The following RAPGEF5 variants were observed in gnomAD, a reference collection of about 807,000 sequenced individuals.
The protein encoded by RAPGEF5 is Rap guanine nucleotide exchange factor 5.
RAPGEF5 carries 65 observed loss-of-function variants against 125.2 expected under a neutral mutation model. The observed-to-expected ratio is 0.52, with a 90% CI of 0.43 to 0.64. The LOEUF is 0.64. Ranked by LOEUF, RAPGEF5 falls within the 30% of genes least tolerant of loss-of-function variation. RAPGEF5 has a pLI of 0.00. For missense variants in RAPGEF5, 958 were observed against 1,048.1 expected (o/e 0.91, Z 1.19); for synonymous variants, 391 against 385.9 (o/e 1.01, Z -0.16).
At chr7:22,346,255 G>A (rs1784222776) in intron 1 of RAPGEF5, among the ~76,000 whole-genome samples, 1 of 152,120 alleles carries the variant, frequency 6.6e-6, no homozygotes, top group African/African-American at 2.4e-5. Flanking sequence ...AGGTCATGCA[G>A]CCCTTAAGTG....
At chr7:22,206,649 C>G (rs1785403669) in intron 9 of RAPGEF5, among the ~76,000 whole-genome samples, 1 of 145,634 alleles carries the variant, frequency 6.9e-6, no homozygotes, top group South Asian at 2.2e-4. Flanking sequence ...TTTTCCATCA[C>G]ACTCCAGCCT....
intron 9 of RAPGEF5, among the ~76,000 whole-genome samples, chr7:22,199,245 C>T (rs1042543584): frequency 1.3e-5 from 2 of 152,088 alleles, no homozygotes; most frequent in African/African-American, 4.8e-5. Context: ...TCAGGCAGCA[C>T]TCAAGACCCA....
rs368817152 is a variant in RAPGEF5 at position 22,289,051 on chromosome 7, T to C, written c.747+2124A>G. On this transcript the variant is annotated intron_variant, in intron 6 of 25. Coordinates refer to ENST00000665637, the MANE Select transcript of RAPGEF5 (RefSeq NM_012294.5). ...AGAATACACATCCTCCTAATTATCA[T>C]CTCCAAATCCTGACTGTTTTCAATG... Among the ~76,000 whole-genome samples, 29 of 152,332 alleles carry C rather than the reference T, an allele frequency of 1.9e-4. No individual in the cohort carries two copies. In the East Asian group the frequency reaches 3.7e-3, roughly 19 times the overall value.
At chr7:22,301,417 C>A (rs1783197790) in intron 5 of RAPGEF5, among the ~76,000 whole-genome samples, 1 of 151,984 alleles carries the variant, frequency 6.6e-6, no homozygotes, top group South Asian at 2.1e-4. Context: ...AGATCGAGAC[C>A]ATCCTGGCTA....
intron 1 of RAPGEF5, among the ~76,000 whole-genome samples, chr7:22,323,419 C>G (rs1487168363): frequency 6.6e-6 from 1 of 152,132 alleles, no homozygotes; most frequent in East Asian, 1.9e-4. Context: ...ACAACAGAAA[C>G]AAACCCCAAA....
intron 2 of RAPGEF5, among the ~76,000 whole-genome samples, chr7:22,317,152 G>A (rs934955436): frequency 1.3e-5 from 2 of 152,026 alleles, no homozygotes; most frequent in Non-Finnish European, 2.9e-5. Context: ...TCCTGATGGT[G>A]GGGATACAGC....
chr7:22,122,204 A>C lies in RAPGEF5; in HGVS notation c.*202T>G, dbSNP rs1174654621. The C allele has an allele frequency of 1.9e-6, 1 of 524,858 alleles. No homozygotes were observed. Among genetic ancestry groups the C allele is most frequent in the Non-Finnish European group, 3.4e-6 (1 of 291,384 alleles). 32.5% of individuals were successfully genotyped at this position (524,858 alleles called of 1,614,324 possible). A position where few individuals can be genotyped will look rare whatever the true frequency, so the allele number is the denominator to read the frequency against. ...ACTCTCCTTCTGCCTTCTTGTCCCG[A>C]GAGTAGCATGGAGAAACCTCTCCCC... On this transcript the variant is annotated 3_prime_UTR_variant, in exon 26 of 26. Transcript: ENST00000665637.
chr7:22,288,818 A>C (rs1782862640), intron 6 of RAPGEF5, among the ~76,000 whole-genome samples: 1 of 152,208 alleles, frequency 6.6e-6, no homozygotes. Context: ...AAACCACCAT[A>C]AACTAGGTTT....
intron 1 of RAPGEF5, among the ~76,000 whole-genome samples, chr7:22,346,675 A>G (rs1385633828): frequency 1.3e-5 from 2 of 152,188 alleles, no homozygotes; most frequent in Admixed American, 6.5e-5. Context: ...AAAACCACCA[A>G]TGGACTGAGT....
At chr7:22,349,938 G>T (rs967632015) in intron 1 of RAPGEF5, among the ~76,000 whole-genome samples, 1 of 152,150 alleles carries the variant, frequency 6.6e-6, no homozygotes, top group Non-Finnish European at 1.5e-5. Flanking sequence ...TCAATCTGAA[G>T]AAGACCTACC....
At chr7:22,327,729 A>G (rs1477744729) in intron 1 of RAPGEF5, among the ~76,000 whole-genome samples, 2 of 152,238 alleles carry the variant, frequency 1.3e-5, no homozygotes, top group African/African-American at 4.8e-5. Flanking sequence ...TCTACTTTTA[A>G]GGTTGTTGTA....
At position 22,169,189 on chromosome 7, in the gene RAPGEF5, T is replaced by C. The variant is rs941457607; in HGVS notation, c.1205-2041A>G. 6.6e-5 allele frequency among the ~76,000 whole-genome samples: 10 copies of C among 152,140 alleles called. 1 individual carries two copies. The highest frequency in any genetic ancestry group is 2.4e-4 in the African/African-American group (10 of 41,438). ...GTCACATGAATGGACATGCACAGCC[T>C]GTGTACGCAGAAGAGCCAGGGGCCC... On this transcript the variant is annotated intron_variant, in intron 11 of 25. Transcript: ENST00000665637.
intron 22 of RAPGEF5, 80 bp from the exon 23 acceptor site, chr7:22,136,205 A>G (rs1783075733): frequency 9.4e-7 from 1 of 1,058,422 alleles, no homozygotes; most frequent in Admixed American, 2.6e-5. Context: ...TTTGCTACAC[A>G]ATTTGAACAT....
At chr7:22,304,593 G>T (rs528975060) in intron 5 of RAPGEF5, among the ~76,000 whole-genome samples, 8 of 152,166 alleles carry the variant, frequency 5.3e-5, no homozygotes, top group Non-Finnish European at 1.0e-4. Flanking sequence ...GTTAAATCAC[G>T]AGGACAGCTT....
chr7:22,356,781 T>C, intron 1 of RAPGEF5, 49 bp downstream of exon 1: 1 of 1,038,150 alleles, frequency 9.6e-7, no homozygotes, highest in Non-Finnish European at 1.2e-6. Context: ...GGGCGCGGGC[T>C]CCACGTGCGC....
intron 19 of RAPGEF5, 90 bp downstream of exon 19, chr7:22,146,807 A>C: frequency 7.0e-7 from 1 of 1,419,766 alleles, no homozygotes; most frequent in East Asian, 2.4e-5. Context: ...TTATTCTAGC[A>C]TAATTTCATC....
intron 1 of RAPGEF5, among the ~76,000 whole-genome samples, chr7:22,333,627 G>A (rs149809675): frequency 1.3e-5 from 2 of 152,212 alleles, no homozygotes; most frequent in African/African-American, 4.8e-5. Context: ...GTAGGATGGT[G>A]TAAGGTATAT....
At chr7:22,198,557 G>A (rs545803961) in intron 9 of RAPGEF5, among the ~76,000 whole-genome samples, 1 of 152,138 alleles carries the variant, frequency 6.6e-6, no homozygotes, top group Non-Finnish European at 1.5e-5. Flanking sequence ...GCAATTATTA[G>A]TTACTGGACC....
intron 5 of RAPGEF5, among the ~76,000 whole-genome samples, chr7:22,291,852 T>G (rs1782943133): frequency 6.6e-6 from 1 of 152,220 alleles, no homozygotes; most frequent in South Asian, 2.1e-4. Context: ...CAATGTAAGA[T>G]CAGTTTGTTT....
Sources: gnomAD v4.1 joint callset for allele counts (sites outside exome capture counted in the v4.1 genomes callset) on GRCh38, gnomAD v4.1.1 for gene constraint, MANE v1.5 for transcripts, NCBI Gene and HGNC (gene_info 2026-07-23, HGNC 2026-07-21) for gene names.